The following THBS1 variants were observed in gnomAD, a reference collection of about 807,000 sequenced individuals.
THBS1 encodes thrombospondin-1.
In THBS1, 29 loss-of-function variants were observed where a neutral mutation model predicts 126.1. The observed-to-expected ratio is 0.23, with a 90% CI of 0.17 to 0.31. The LOEUF (loss-of-function observed/expected upper bound fraction) is 0.31. Among genes scored for constraint, THBS1 ranks in the 10% least tolerant of loss-of-function variants. The pLI, the probability that THBS1 is intolerant of heterozygous loss-of-function variation, is 1.00. For missense variants in THBS1, 1,198 were observed against 1,545.2 expected, an observed-to-expected ratio of 0.78 and a Z score of 3.77; for synonymous variants, 496 against 577.8, an observed-to-expected ratio of 0.86 and a Z score of 2.03.
rs1354730124 is a variant in THBS1 at position 39,588,696 on chromosome 15, A to G, written c.1642A>G (p.Ile548Val). 1.3e-6 allele frequency: 2 copies of G among 1,572,184 alleles called. No individual in the cohort carries two copies. The highest frequency in any genetic ancestry group is 1.4e-5 in the African/African-American group (1 of 73,394). The change falls in exon 10 of 22, where the codon ATT becomes GTT. Residue 548 changes from isoleucine (I) to valine (V), a missense_variant. This residue lies in a region of THBS1 where 663 missense variants were observed against 860.1 expected (regional missense o/e 0.77). Coordinates refer to ENST00000260356, the MANE Select transcript of THBS1 (RefSeq NM_003246.4). ...NQICNKQDCP[I>V]DGCLSNPCFA... ...GATCTGCAACAAGCAGGACTGTCCA[A>G]TTGGTGAGCCACGCAGCCCAGGATG... is the stretch of plus-strand genomic sequence containing the variant.
In THBS1 at chr15:39,589,793, G is replaced by A. The variant is rs371649913; in HGVS notation, c.1927-12G>A. The A allele has an allele frequency of 1.9e-6, 3 of 1,591,684 alleles. No homozygotes were observed. Among genetic ancestry groups the A allele is most frequent in the African/African-American group, 2.7e-5 (2 of 74,338 alleles). ...AAAAGCTCTGTGTAACAGCAGCATG[G>A]TGTACCCTCAGGTGTGCAAGCCCCG... On this transcript the variant is annotated splice_polypyrimidine_tract_variant and intron_variant, in intron 12 of 21. Transcript: ENST00000260356. The surrounding 1 kb of genome is among the most constrained non-coding windows in gnomAD (Gnocchi z 4.7).
In THBS1 at chr15:39,591,618, G is replaced by C. The variant is rs1890329902; in HGVS notation, c.2527G>C (p.Asp843His). ...CAATTGCCCCTTGGAACACAATCCG[G>C]ATCAGGTAGGTGGATGGACTCCTTT... Reference protein sequence around the residue: ...CDNCPLEHNPDQLDSDSDRIG... With the variant: ...CDNCPLEHNPHQLDSDSDRIG... Residue 843 changes from aspartate to histidine, a missense_variant, in exon 16 of 22, where the codon GAT becomes CAT. Asp to His is a moderately conservative substitution (Grantham distance 81, BLOSUM62 -1). Around this residue, in one of 4 missense-constraint regions of THBS1, gnomAD observed 663 missense variants for 860.1 expected, o/e 0.77. Transcript: ENST00000260356. 1 of 1,613,820 alleles carries C rather than the reference G, an allele frequency of 6.2e-7. No individual in the cohort carries two copies. The highest frequency in any genetic ancestry group is 8.5e-7 in the Non-Finnish European group (1 of 1,179,666).
Position 39,594,465 on chromosome 15 carries a change from T to C in THBS1, c.3505+25T>C. On this transcript the variant is annotated intron_variant, in intron 21 of 21. Coordinates refer to ENST00000260356, the MANE Select transcript of THBS1 (RefSeq NM_003246.4). The surrounding 1 kb of genome is among the most constrained non-coding windows in gnomAD (Gnocchi z 4.4). ...GGTAAGAGCAACATCACCATGAATG[T>C]ACACTGGACATCTCTATTTCAGACT... 1 of 1,611,298 alleles carries C rather than the reference T, an allele frequency of 6.2e-7. No individual in the cohort carries two copies. The highest frequency in any genetic ancestry group is 8.5e-7 in the Non-Finnish European group (1 of 1,178,780).
intron 7 of THBS1, chr15:39,586,770 A>C (rs1890215493): frequency 6.6e-6 from 1 of 152,226 alleles, no homozygotes; most frequent in African/African-American, 2.4e-5. Flanking sequence ...CAGATATGTT[A>C]AGTCAGTAAA....
At chr15:39,587,546 G>C (rs9920929) in intron 8 of THBS1, 26 bp downstream of exon 8, 2 of 1,592,338 alleles carry the variant, frequency 1.3e-6, no homozygotes, top group Admixed American at 3.4e-5. Context: ...TCTCAGGGAC[G>C]TGGAGAACTG....
chr15:39,592,464 C>A lies in THBS1; in HGVS notation c.2533-104C>A. ...GTAAATAGACATGACACCCCACTGGCTGTATCAAACAATGGAGAATTTTCC... is the reference window on the plus strand; with the variant it reads ...GTAAATAGACATGACACCCCACTGGATGTATCAAACAATGGAGAATTTTCC... On this transcript the variant is annotated intron_variant, in intron 16 of 21. Coordinates refer to ENST00000260356, the MANE Select transcript of THBS1 (RefSeq NM_003246.4). This position sits in a 1 kb window ranked among gnomAD's most constrained non-coding sequence, Gnocchi z 4.3. 1.2e-6 allele frequency: 1 copy of A among 852,812 alleles called. No individual in the cohort carries two copies. The highest frequency in any genetic ancestry group is 1.8e-6 in the Non-Finnish European group (1 of 544,338). The allele number at this position is 852,812 out of a possible 1,614,324, so 52.8% of individuals were successfully genotyped here. A position where few individuals can be genotyped will look rare whatever the true frequency, so the allele number is the denominator to read the frequency against.
intron 9 of THBS1, 57 bp from the exon 10 acceptor site, chr15:39,588,469 C>A (rs1294164150): frequency 1.1e-5 from 16 of 1,514,004 alleles, no homozygotes; most frequent in Non-Finnish European, 1.4e-5. Context: ...GAGTCTATGA[C>A]AAGGGAGGGA....
Position 39,594,056 on chromosome 15 carries a change from T to G in THBS1, c.3268-43T>G. The G allele has an allele frequency of 1.3e-6, 2 of 1,565,402 alleles. No individual in the cohort carries two copies. Among genetic ancestry groups the G allele is most frequent in the Middle Eastern group, 1.7e-4 (1 of 5,972 alleles). ...ATGGAATGAAATAGAAATCTTTACC[T>G]GAAGGAGCTGTGTTTCAACCTTTCC... On this transcript the variant is annotated intron_variant, in intron 19 of 21. Coordinates refer to ENST00000260356, the MANE Select transcript of THBS1 (RefSeq NM_003246.4). The surrounding 1 kb of genome is among the most constrained non-coding windows in gnomAD (Gnocchi z 4.4).
At chr15:39,595,258 A>G (rs1890412151) in intron 21 of THBS1, 104 bp from the exon 22 acceptor site, 5 of 730,784 alleles carry the variant, frequency 6.8e-6, no homozygotes, top group Non-Finnish European at 1.0e-5. Context: ...TTGTCATTAG[A>G]AAAGTAGAGC....
chr15:39,589,348 C>T lies in THBS1; in HGVS notation c.1920C>T (p.Asn640=). Reference sequence around the variant, plus strand: ...AGGGTGTCGAACATGCCACGGCCAACAAACAGGTACAGTCAACTAGACGAG... The same window carrying T: ...AGGGTGTCGAACATGCCACGGCCAATAAACAGGTACAGTCAACTAGACGAG... ...FGQGVEHATA[N]KQVCKPRNPC... The change falls in exon 12 of 22, where the codon AAC becomes AAT. Residue 640 remains asparagine, a synonymous_variant. Coordinates refer to ENST00000260356, the MANE Select transcript of THBS1 (RefSeq NM_003246.4). The surrounding 1 kb of genome is among the most constrained non-coding windows in gnomAD (Gnocchi z 4.7). 6.2e-7 allele frequency: 1 copy of T among 1,613,820 alleles called. No homozygotes were observed. Among genetic ancestry groups the T allele is most frequent in the Non-Finnish European group, 8.5e-7 (1 of 1,180,000 alleles).
Position 39,596,303 on chromosome 15 carries a change from T to G in THBS1, c.*934T>G, listed in dbSNP as rs1378347575. 1 of 153,964 alleles carries G rather than the reference T, an allele frequency of 6.5e-6. No individual in the cohort carries two copies. Among genetic ancestry groups the G allele is most frequent in the African/African-American group, 2.4e-5 (1 of 41,466 alleles). 9.5% of individuals were successfully genotyped at this position (153,964 alleles called of 1,614,324 possible). A position where few individuals can be genotyped will look rare whatever the true frequency, so the allele number is the denominator to read the frequency against. On this transcript the variant is annotated 3_prime_UTR_variant, in exon 22 of 22. Coordinates refer to ENST00000260356, the MANE Select transcript of THBS1 (RefSeq NM_003246.4). ...ATCAACCTAACTAAAACATTCCTTTTCTCTTTTTTCCTGAATTATCATGGA... is the reference window on the plus strand; with the variant it reads ...ATCAACCTAACTAAAACATTCCTTTGCTCTTTTTTCCTGAATTATCATGGA...
intron 7 of THBS1, 92 bp from the exon 8 acceptor site, chr15:39,587,255 C>T (rs1378921283): frequency 3.9e-6 from 5 of 1,290,782 alleles, no homozygotes; most frequent in Non-Finnish European, 5.3e-6. Context: ...TGCTTTTCAC[C>T]CTCTGGCAAG....
chr15:39,588,325 A>G, intron 9 of THBS1, 107 bp downstream of exon 9: 2 of 1,397,008 alleles, frequency 1.4e-6, no homozygotes, highest in Admixed American at 2.6e-5. Flanking sequence ...CAGGAAGGTT[A>G]CCTACTAGAG....
At position 39,592,228 on chromosome 15, in the gene THBS1, A is replaced by T. The variant is rs1890340891; in HGVS notation, c.2533-340A>T. Among the ~76,000 whole-genome samples the T allele has an allele frequency of 6.6e-6, 1 of 152,272 alleles. No homozygotes were observed. The highest frequency in any genetic ancestry group is 2.4e-5 in the African/African-American group (1 of 41,474). On this transcript the variant is annotated intron_variant, in intron 16 of 21. Transcript: ENST00000260356. This position sits in a 1 kb window ranked among gnomAD's most constrained non-coding sequence, Gnocchi z 4.3. ...GGAAATTCTCTGTTATAAAGTATCC[A>T]GAAAATTTCATTTAACATTAAGATG... is the stretch of plus-strand genomic sequence containing the variant.
Position 39,588,143 on chromosome 15 carries a change from A to G in THBS1, c.1396A>G (p.Ser466Gly). ...AAGGATCCGGCTCTGCAACTCTCCC[A>G]GCCCCCAGATGAACGGGAAACCCTG... ...ITRIRLCNSP[S>G]PQMNGKPCEG... The change falls in exon 9 of 22, where the codon AGC (serine) becomes GGC (glycine). Residue 466 changes from serine (S) to glycine (G), a missense_variant. Coordinates refer to ENST00000260356, the MANE Select transcript of THBS1 (RefSeq NM_003246.4). 1 of 1,614,186 alleles carries G rather than the reference A, an allele frequency of 6.2e-7. No individual in the cohort carries two copies. The highest frequency in any genetic ancestry group is 1.1e-5 in the South Asian group (1 of 91,074).
In THBS1 at chr15:39,589,491, A is replaced by G. The variant is rs1890284653; in HGVS notation, c.1926+137A>G. The G allele has an allele frequency of 1.7e-6, 2 of 1,196,128 alleles. No homozygotes were observed. Among genetic ancestry groups the G allele is most frequent in the Non-Finnish European group, 2.3e-6 (2 of 878,356 alleles). 74.1% of individuals were successfully genotyped at this position (1,196,128 alleles called of 1,614,324 possible). A position where few individuals can be genotyped will look rare whatever the true frequency, so the allele number is the denominator to read the frequency against. On this transcript the variant is annotated intron_variant, in intron 12 of 21. Coordinates refer to ENST00000260356, the MANE Select transcript of THBS1 (RefSeq NM_003246.4). The surrounding 1 kb of genome is among the most constrained non-coding windows in gnomAD (Gnocchi z 4.7). ...GGAGATGAATGTACGGTCTAGTTTT[A>G]GAAACGTGATTAGAAAATCCATGGT... is the stretch of plus-strand genomic sequence containing the variant.
intron 7 of THBS1, 39 bp downstream of exon 7, chr15:39,585,602 A>T: frequency 6.3e-7 from 1 of 1,588,296 alleles, no homozygotes; most frequent in Non-Finnish European, 8.6e-7. Flanking sequence ...TTCAGTGACT[A>T]GGTCAGTTCT....
In THBS1 at chr15:39,584,228, G is replaced by A. The variant is rs1890167691; in HGVS notation, c.903+41G>A. On this transcript the variant is annotated intron_variant, in intron 5 of 21. Coordinates refer to ENST00000260356, the MANE Select transcript of THBS1 (RefSeq NM_003246.4). Reference sequence around the variant, plus strand: ...ACCCAGCCCGTTAGCATGAACCCTGGAAGGTTTATCGCAGATGGTCCCAAA... The same window carrying A: ...ACCCAGCCCGTTAGCATGAACCCTGAAAGGTTTATCGCAGATGGTCCCAAA... 5 of 1,613,896 alleles carry A rather than the reference G, an allele frequency of 3.1e-6. No homozygotes were observed. The African/African-American group carries it at 5.3e-5, about 17-fold the overall frequency.
In THBS1 at chr15:39,596,964, C is replaced by G. The variant is rs1890461542; in HGVS notation, c.*1595C>G. On this transcript the variant is annotated 3_prime_UTR_variant, in exon 22 of 22. Transcript: ENST00000260356. ...GTTTAAGTGTCTAACAAACTTAAAG[C>G]TACTGTAGTACCTAAAAAGTCAGTG... The G allele has an allele frequency of 6.6e-6, 1 of 152,174 alleles. No individual in the cohort carries two copies. The highest frequency in any genetic ancestry group is 1.5e-5 in the Non-Finnish European group (1 of 68,038). 9.4% of individuals were successfully genotyped at this position (152,174 alleles called of 1,614,324 possible).
Sources: gnomAD v4.1 joint callset for allele counts (sites outside exome capture counted in the v4.1 genomes callset) on GRCh38, gnomAD v4.1.1 for gene constraint, gnomAD v4.1.1 regional missense constraint, Gnocchi (gnomAD v3.1) non-coding constraint, MANE v1.5 for transcripts, NCBI Gene and HGNC (gene_info 2026-07-23, HGNC 2026-07-21) for gene names.